RPL4: variants seen among roughly 807,000 people sequenced by gnomAD.
The protein encoded by RPL4 is ribosomal protein L4, also known as large ribosomal subunit protein uL4.
A neutral mutation model predicts 47.7 loss-of-function variants in RPL4; 3 were observed. The ratio of observed to expected loss-of-function variants is 0.06; its 90% CI spans 0.03 to 0.16. RPL4 has a LOEUF of 0.16. RPL4 is among the 10% of genes least tolerant of loss of function. The pLI is 1.00. For synonymous variants in RPL4, 208 were observed against 182.1 expected (o/e 1.14, Z -1.15); for missense variants, 413 against 551.3 (o/e 0.75, Z 2.51).
At position 66,503,439 on chromosome 15, in the gene RPL4, T is replaced by C. The variant is rs566040038; in HGVS notation, c.94A>G (p.Ile32Val). 5.0e-6 allele frequency: 8 copies of C among 1,613,122 alleles called. No individual in the cohort carries two copies. The East Asian group carries it at 8.9e-5, about 18-fold the overall frequency. ...VTLPAVFKAP[I>V]RPDIVNFVHT... Reference sequence around the variant, plus strand: ...ACAAAGTTCACAATATCTGGTCGAATAGGAGCCTTGAATACAGCAGGCAAA... The same window carrying C: ...ACAAAGTTCACAATATCTGGTCGAACAGGAGCCTTGAATACAGCAGGCAAA... Residue 32 changes from isoleucine (I) to valine (V), a missense_variant, in exon 2 of 10, where the codon ATT becomes GTT. Transcript: ENST00000307961.
At chr15:66,501,557 A>T in intron 5 of RPL4, 53 bp from the exon 6 acceptor site, 1 of 1,603,674 alleles carries the variant, frequency 6.2e-7, no homozygotes, top group South Asian at 1.1e-5. Flanking sequence ...TCTGCAATAG[A>T]TCTTCAGAGT....
At position 66,500,945 on chromosome 15, in the gene RPL4, T is replaced by A. The variant is rs369840715; in HGVS notation, c.833+4A>T. The A allele has an allele frequency of 1.9e-6, 3 of 1,613,176 alleles. No individual in the cohort carries two copies. Among genetic ancestry groups the A allele is most frequent in the African/African-American group, 2.7e-5 (2 of 74,986 alleles). ...TCTGTGCTTAGTATATGAAAGATACTTACTTGTAGTTACTCTTGAGGGAAG... is the reference window on the plus strand; with the variant it reads ...TCTGTGCTTAGTATATGAAAGATACATACTTGTAGTTACTCTTGAGGGAAG... On this transcript the variant is annotated splice_donor_region_variant and intron_variant, in intron 7 of 9. Transcript: ENST00000307961.
At chr15:66,504,362 CACAT>C (rs993995509) in intron 1 of RPL4, among the ~76,000 whole-genome samples, 32 of 152,292 alleles carry the variant, frequency 2.1e-4, no homozygotes, top group Admixed American at 5.2e-4. Context: ...AAAAGCAGTA[CACAT>C]ATAACACTGG....
Position 66,503,395 on chromosome 15 carries a change from T to C in RPL4, c.138A>G (p.Lys46=). The change falls in exon 2 of 10, where the codon AAA becomes AAG. Residue 46 remains lysine, a synonymous_variant. Transcript: ENST00000307961. ...IVNFVHTNLR[K]NNRQPYAVSE... The stretch of plus-strand genomic sequence containing the variant: ...TGACAGCATAGGGCTGTCTGTTGTT[T>C]TTGCGCAAGTTGGTGTGAACAAAGT... The C allele has an allele frequency of 6.2e-7, 1 of 1,609,840 alleles. No homozygotes were observed. The highest frequency in any genetic ancestry group is 8.5e-7 in the Non-Finnish European group (1 of 1,176,294).
chr15:66,499,854 C>CT, intron 9 of RPL4: 1 of 907,502 alleles, frequency 1.1e-6, no homozygotes. Context: ...GACACCCCGT[C>CT]TCTACTGAAA....
In RPL4 at chr15:66,500,360, T is replaced by C; in HGVS notation, c.850A>G (p.Met284Val). 2 of 1,614,100 alleles carry C rather than the reference T, an allele frequency of 1.2e-6. No homozygotes were observed. The highest frequency in any genetic ancestry group is 1.6e-4 in the Middle Eastern group (1 of 6,062). ...KSNYNLPMHK[M>V]INTDLSRILK... ...ATTCTGCTAAGATCTGTATTAATCA[T>C]CTTGTGCATGGGAAGACTGAAAGGG... is the stretch of plus-strand genomic sequence containing the variant. The change falls in exon 8 of 10, where the codon ATG becomes GTG. Residue 284 changes from methionine to valine, a missense_variant. By Grantham distance (21) the Met-to-Val change is conservative. This residue lies in a region of RPL4 where 214 missense variants were observed against 304.2 expected (regional missense o/e 0.70). Coordinates refer to ENST00000307961, the MANE Select transcript of RPL4 (RefSeq NM_000968.4).
chr15:66,500,756 T>G (rs891986957), intron 7 of RPL4, 193 bp downstream of exon 7: 9 of 648,630 alleles, frequency 1.4e-5, no homozygotes. Flanking sequence ...CACTCCAGCG[T>G]GGGTGAGACA....
intron 4 of RPL4, chr15:66,502,230 G>A (rs190048487): frequency 7.2e-6 from 3 of 417,414 alleles, no homozygotes; most frequent in Admixed American, 4.1e-5. Context: ...TAAGTAGTCA[G>A]ACCTAGTATT....
rs1161135363 is a variant in RPL4 at position 66,503,535 on chromosome 15, G to A, written c.4-6C>T. ...ATCAGTGGGCGAGCACACGCCTAAA[G>A]AAAAAGACAAGGATTATTTTTATTG... On this transcript the variant is annotated splice_region_variant and splice_polypyrimidine_tract_variant and intron_variant, in intron 1 of 9. Coordinates refer to ENST00000307961, the MANE Select transcript of RPL4 (RefSeq NM_000968.4). 8 of 1,578,348 alleles carry A rather than the reference G, an allele frequency of 5.1e-6. No homozygotes were observed. Among genetic ancestry groups the A allele is most frequent in the Admixed American group, 1.8e-5 (1 of 54,696 alleles).
At position 66,500,024 on chromosome 15, in the gene RPL4, A is replaced by AAAAC. The variant is rs567635694; in HGVS notation, c.1038+28_1038+31dup. 9.6e-5 allele frequency: 155 copies of AAAAC among 1,610,948 alleles called. 1 individual carries two copies. The highest frequency in any genetic ancestry group is 5.4e-4 in the South Asian group (49 of 90,884). On this transcript the variant is annotated intron_variant, in intron 9 of 9. Coordinates refer to ENST00000307961, the MANE Select transcript of RPL4 (RefSeq NM_000968.4). The stretch of plus-strand genomic sequence containing the variant: ...GGTGACAGAGCGAGATTCCGACTCA[A>AAAAC]AAACAAACAAACAAACAAAAACTCC...
intron 7 of RPL4, 187 bp from the exon 8 acceptor site, chr15:66,500,563 G>A (rs1290691672): frequency 3.3e-6 from 2 of 606,372 alleles, no homozygotes; most frequent in Non-Finnish European, 5.7e-6. Flanking sequence ...GGAGGCCGAG[G>A]CGGGTGGATC....
chr15:66,504,816 C>A lies in RPL4; in HGVS notation c.-26G>T, dbSNP rs1191149834. 9 of 1,610,524 alleles carry A rather than the reference C, an allele frequency of 5.6e-6. No homozygotes were observed. The highest frequency in any genetic ancestry group is 2.7e-5 in the African/African-American group (2 of 74,988). ...GGCGGAGAGAGGAGACAGCCACGCTCCTCTCAGCCCGGCTGCTGCCACAGG... is the reference window on the plus strand; with the variant it reads ...GGCGGAGAGAGGAGACAGCCACGCTACTCTCAGCCCGGCTGCTGCCACAGG... On this transcript the variant is annotated 5_prime_UTR_variant, in exon 1 of 10. Transcript: ENST00000307961.
At chr15:66,501,664 G>C in intron 5 of RPL4, 124 bp downstream of exon 5, 1 of 1,501,310 alleles carries the variant, frequency 6.7e-7, no homozygotes, top group African/African-American at 1.4e-5. Flanking sequence ...CCAAGTAATC[G>C]GGCTCTGAGG....
chr15:66,504,801 G>T lies in RPL4; in HGVS notation c.-11C>A, dbSNP rs368502665. On this transcript the variant is annotated 5_prime_UTR_variant, in exon 1 of 10. Coordinates refer to ENST00000307961, the MANE Select transcript of RPL4 (RefSeq NM_000968.4). ...ACTTCCACTCACCATGGCGGAGAGA[G>T]GAGACAGCCACGCTCCTCTCAGCCC... 15 of 1,611,820 alleles carry T rather than the reference G, an allele frequency of 9.3e-6. No individual in the cohort carries two copies. Among genetic ancestry groups the T allele is most frequent in the Non-Finnish European group, 1.2e-5 (14 of 1,179,410 alleles).
In RPL4 at chr15:66,499,576, G is replaced by A. The variant is rs754773251; in HGVS notation, c.1115C>T (p.Ala372Val). The change falls in exon 10 of 10, where the codon GCA (alanine) becomes GTA (valine). Residue 372 changes from alanine (A) to valine (V), a missense_variant. By Grantham distance (64) the Ala-to-Val change is moderately conservative. Coordinates refer to ENST00000307961, the MANE Select transcript of RPL4 (RefSeq NM_000968.4). ...CTTACCTACCACAGGCTTCTTGCCT[G>A]CAACCGCCGCCTTCTCATCTGATTT... is the stretch of plus-strand genomic sequence containing the variant. The part of the protein sequence containing the change: ...QAKSDEKAAV[A>V]GKKPVVGKKG... The A allele has an allele frequency of 6.2e-7, 1 of 1,613,874 alleles. No individual in the cohort carries two copies. The highest frequency in any genetic ancestry group is 8.5e-7 in the Non-Finnish European group (1 of 1,179,866).
rs1442512618 is a variant in RPL4 at position 66,504,792 on chromosome 15, G to C, written c.-2C>G. On this transcript the variant is annotated 5_prime_UTR_variant, in exon 1 of 10. Coordinates refer to ENST00000307961, the MANE Select transcript of RPL4 (RefSeq NM_000968.4). ...GCCAAGAGAACTTCCACTCACCATG[G>C]CGGAGAGAGGAGACAGCCACGCTCC... 9.3e-6 allele frequency: 15 copies of C among 1,611,936 alleles called. No individual in the cohort carries two copies. The highest frequency in any genetic ancestry group is 1.2e-5 in the Non-Finnish European group (14 of 1,179,416).
At position 66,498,346 on chromosome 15, in the gene RPL4, T is replaced by C. The variant is rs958167419; in HGVS notation, c.*1061A>G. ...GATTTGGCCCTGGAAATGGGGAGGG[T>C]TAACAGATCACCTTGGCTGTGAACT... On this transcript the variant is annotated 3_prime_UTR_variant, in exon 10 of 10. Coordinates refer to ENST00000307961, the MANE Select transcript of RPL4 (RefSeq NM_000968.4). 3 of 152,368 alleles carry C rather than the reference T, an allele frequency of 2.0e-5. No individual in the cohort carries two copies. The highest frequency in any genetic ancestry group is 2.9e-5 in the Non-Finnish European group (2 of 68,232). 9.4% of individuals were successfully genotyped at this position (152,368 alleles called of 1,614,324 possible).
At chr15:66,499,692 C>T (rs1389341261) in intron 9 of RPL4, 40 bp from the exon 10 acceptor site, 9 of 1,608,764 alleles carry the variant, frequency 5.6e-6, no homozygotes, top group African/African-American at 1.3e-5. Context: ...AATCAAATCC[C>T]TGTAAGAACT....
Position 66,502,636 on chromosome 15 carries a change from G to A in RPL4, c.397C>T (p.Leu133=), listed in dbSNP as rs754495711. 1 of 1,612,836 alleles carries A rather than the reference G, an allele frequency of 6.2e-7. No individual in the cohort carries two copies. The highest frequency in any genetic ancestry group is 8.5e-7 in the Non-Finnish European group (1 of 1,179,868). ...AICSALAASA[L]PALVMSKGHR... is the part of the protein sequence containing the mutation. ...CCTTTAGACATGACCAGTGCTGGTA[G>A]GGCTGAGGCAGCCAGGGCAGAACAG... The change falls in exon 4 of 10, where the codon CTA becomes TTA. Residue 133 remains leucine (L), a synonymous_variant. Transcript: ENST00000307961.
Sources: allele counts gnomAD v4.1 joint callset (sites outside exome capture counted in the v4.1 genomes callset), GRCh38; gene constraint gnomAD v4.1.1; regional missense constraint gnomAD v4.1.1; transcripts MANE v1.5; gene names NCBI Gene and HGNC (gene_info 2026-07-23, HGNC 2026-07-21).